The following ZNF287 variants were observed in gnomAD, a reference collection of about 807,000 sequenced individuals.
ZNF287 encodes the protein zinc finger protein 287.
Under a neutral mutation model 73.7 loss-of-function variants are expected in ZNF287, and 31 were observed. The ratio of observed to expected loss-of-function variants is 0.42; its 90% CI spans 0.32 to 0.57. The LOEUF is 0.57. ZNF287 is among the 20% of genes least tolerant of loss of function. The pLI is 0.13. For missense variants in ZNF287, 641 were observed against 909.3 expected (o/e 0.70, Z 3.79); for synonymous variants, 301 against 307.2 (o/e 0.98, Z 0.21).
chr17:16,566,981 GATTT>G (rs1907783754), intron 2 of ZNF287, among the ~76,000 whole-genome samples: 1 of 152,112 alleles, frequency 6.6e-6, no homozygotes, highest in Non-Finnish European at 1.5e-5. Flanking sequence ...CAAAGCAAAT[GATTT>G]ATTAGTAGAA....
intron 5 of ZNF287, among the ~76,000 whole-genome samples, chr17:16,555,675 T>TAG (rs1907007655): frequency 6.6e-6 from 1 of 151,394 alleles, no homozygotes; most frequent in African/African-American, 2.4e-5. Flanking sequence ...ACCCTCAATC[T>TAG]AACCTGGCTG....
At position 16,552,441 on chromosome 17, in the gene ZNF287, A is replaced by G; in HGVS notation, c.1701T>C (p.Asn567=). ...AATGAGCAAAGGCTTTTCCACATTC[A>G]TTACATTTATAACACTTCTCTCCAG... ...IHSGEKCYKC[N]ECGKAFAHSS... Residue 567 remains asparagine, a synonymous_variant, in exon 6 of 6, where the codon AAT becomes AAC. Coordinates refer to ENST00000395825, the MANE Select transcript of ZNF287 (RefSeq NM_020653.4). This position sits in a 1 kb window ranked among gnomAD's most constrained non-coding sequence, Gnocchi z 6.5. 1.9e-6 allele frequency: 3 copies of G among 1,614,078 alleles called. No individual in the cohort carries two copies. The highest frequency in any genetic ancestry group is 2.5e-6 in the Non-Finnish European group (3 of 1,179,968).
At chr17:16,562,705 G>A (rs1045789601) in intron 5 of ZNF287, among the ~76,000 whole-genome samples, 6 of 151,874 alleles carry the variant, frequency 4.0e-5, no homozygotes, top group Non-Finnish European at 7.4e-5. Context: ...TAAATAATTA[G>A]AAAATAAAAA....
chr17:16,556,034 C>A (rs1907037849), intron 5 of ZNF287, among the ~76,000 whole-genome samples: 1 of 147,710 alleles, frequency 6.8e-6, no homozygotes, highest in African/African-American at 2.7e-5. Flanking sequence ...ATATTGATAA[C>A]TGATAGGTAG....
intron 5 of ZNF287, among the ~76,000 whole-genome samples, chr17:16,560,261 C>T (rs138169118): frequency 5.5e-5 from 8 of 145,034 alleles, no homozygotes; most frequent in Admixed American, 1.4e-4. Context: ...CATGCCTGGC[C>T]GACTAATAAT....
chr17:16,560,947 G>T (rs566262874), intron 5 of ZNF287, among the ~76,000 whole-genome samples: 1 of 151,356 alleles, frequency 6.6e-6, no homozygotes, highest in African/African-American at 2.4e-5. Context: ...AGCTTGTAGT[G>T]AGCCAAGGTC....
chr17:16,552,632 C>A lies in ZNF287; in HGVS notation c.1510G>T (p.Gly504Ter). Residue 504 changes from glycine (G) to a stop codon, truncating the protein, a stop_gained, in exon 6 of 6, where the codon GGA (glycine) becomes TGA (stop). Coordinates refer to ENST00000395825, the MANE Select transcript of ZNF287 (RefSeq NM_020653.4). LOFTEE classifies it high-confidence loss of function. This position sits in a 1 kb window ranked among gnomAD's most constrained non-coding sequence, Gnocchi z 6.5. ...TCATTGCATATATAAGGTTTTTCTC[C>A]AGTATGAACTCTCTGATGATTAATC... ...SLINHQRVHT[G>*]EKPYICNECG... 6.2e-7 allele frequency: 1 copy of A among 1,614,034 alleles called. No homozygotes were observed. Among genetic ancestry groups the A allele is most frequent in the Non-Finnish European group, 8.5e-7 (1 of 1,179,996 alleles).
chr17:16,567,700 G>A lies in ZNF287; in HGVS notation c.32C>T (p.Ser11Phe), dbSNP rs1211951011. Residue 11 changes from serine to phenylalanine, a missense_variant, in exon 2 of 6, where the codon TCT becomes TTT. Ser to Phe is a radical substitution (Grantham distance 155). Around this residue, in one of 2 missense-constraint regions of ZNF287, gnomAD observed 357 missense variants for 442.4 expected, o/e 0.81. Transcript: ENST00000395825. MLASSKRMNS[S>F]SRSQILLRWK... ...CCTTAGAAGGATTTGAGAACGTGAA[G>A]AACTGTTCATCCTCTTGCTTGAGGC... is the stretch of plus-strand genomic sequence containing the variant. 2 of 1,613,446 alleles carry A rather than the reference G, an allele frequency of 1.2e-6. No homozygotes were observed. Among genetic ancestry groups the A allele is most frequent in the Non-Finnish European group, 1.7e-6 (2 of 1,179,602 alleles).
intron 4 of ZNF287, 76 bp from the exon 5 acceptor site, chr17:16,563,308 T>C (rs1907554843): frequency 1.9e-6 from 2 of 1,048,212 alleles, no homozygotes; most frequent in South Asian, 1.4e-5. Context: ...GACTTCTACC[T>C]ATCTGGGAGA....
chr17:16,553,189 C>T lies in ZNF287; in HGVS notation c.953G>A (p.Arg318Lys). 6.2e-7 allele frequency: 1 copy of T among 1,600,610 alleles called. No individual in the cohort carries two copies. Among genetic ancestry groups the T allele is most frequent in the Non-Finnish European group, 8.6e-7 (1 of 1,168,302 alleles). Reference sequence around the variant, plus strand: ...GTTTGAATGCTTTTCAAAATTATTTCTATATATATCATATTTACTAAGACA... The same window carrying T: ...GTTTGAATGCTTTTCAAAATTATTTTTATATATATCATATTTACTAAGACA... ...EECLSKYDIY[R>K]NNFEKHSNLI... Residue 318 changes from arginine to lysine, a missense_variant, in exon 6 of 6, where the codon AGA (arginine) becomes AAA (lysine). Physicochemically the swap from Arg to Lys is conservative, Grantham distance 26. Transcript: ENST00000395825.
intron 5 of ZNF287, among the ~76,000 whole-genome samples, chr17:16,557,051 T>TG (rs1275788113): frequency 6.6e-6 from 1 of 152,110 alleles, no homozygotes; most frequent in African/African-American, 2.4e-5. Flanking sequence ...TTCTCCATGT[T>TG]GGTCAGGCTG....
At position 16,552,331 on chromosome 17, in the gene ZNF287, C is replaced by T. The variant is rs752562155; in HGVS notation, c.1811G>A (p.Ser604Asn). 1.2e-6 allele frequency: 2 copies of T among 1,613,990 alleles called. No individual in the cohort carries two copies. Among genetic ancestry groups the T allele is most frequent in the South Asian group, 1.1e-5 (1 of 91,076 alleles). The change falls in exon 6 of 6, where the codon AGT (serine) becomes AAT (asparagine). Residue 604 changes from serine (S) to asparagine (N), a missense_variant. Around this residue, in one of 2 missense-constraint regions of ZNF287, gnomAD observed 284 missense variants for 466.8 expected, o/e 0.61. Coordinates refer to ENST00000395825, the MANE Select transcript of ZNF287 (RefSeq NM_020653.4). This position sits in a 1 kb window ranked among gnomAD's most constrained non-coding sequence, Gnocchi z 6.5. ...CNICGKAFSQSANLTQHHRTH... is the reference protein window; with the variant it reads ...CNICGKAFSQNANLTQHHRTH... ...TCTATGATGTTGAGTAAGATTTGCA[C>T]TCTGGCTGAAGGCTTTCCCACATAT...
chr17:16,566,734 C>A (rs1345629786), intron 2 of ZNF287, 112 bp from the exon 3 acceptor site: 3 of 651,764 alleles, frequency 4.6e-6, no homozygotes, highest in Admixed American at 3.5e-5. Flanking sequence ...AGAAGGAAAT[C>A]AAAAACAGCA....
At chr17:16,565,056 A>T (rs1446913062) in intron 3 of ZNF287, among the ~76,000 whole-genome samples, 1 of 151,636 alleles carries the variant, frequency 6.6e-6, no homozygotes, top group South Asian at 2.1e-4. Flanking sequence ...CAGTATCTTT[A>T]AAAAAGTCAT....
At chr17:16,558,915 T>C (rs1907242440) in intron 5 of ZNF287, 1 of 152,022 alleles carries the variant, frequency 6.6e-6, no homozygotes. Context: ...AGATGGAGGT[T>C]GCAGTGAGCC....
Position 16,550,597 on chromosome 17 carries a change from C to T in ZNF287, c.*1259G>A, listed in dbSNP as rs1906583768. On this transcript the variant is annotated 3_prime_UTR_variant, in exon 6 of 6. Transcript: ENST00000395825. ...CCCATTTTAGCAGGTTGCTTATGCT[C>T]AACCCATGACAAAATATCACATCCT... Among the ~76,000 whole-genome samples the T allele has an allele frequency of 6.6e-6, 1 of 152,174 alleles. No individual in the cohort carries two copies. The highest frequency in any genetic ancestry group is 2.4e-5 in the African/African-American group (1 of 41,442).
At chr17:16,561,774 A>G (rs57088651) in intron 5 of ZNF287, among the ~76,000 whole-genome samples, 11,227 of 152,246 alleles carry the variant, frequency 0.074, 1,405 homozygotes, top group African/African-American at 0.25. Flanking sequence ...AAAAGGGACT[A>G]AAGATAGGAG....
In ZNF287 at chr17:16,552,550, G is replaced by A. The variant is rs779912998; in HGVS notation, c.1592C>T (p.Thr531Ile). The A allele has an allele frequency of 2.5e-6, 4 of 1,614,064 alleles. No homozygotes were observed. ...THLLQHQKIH[T>I]GKKPYKCNEC... ...ATTGCATTTATATGGTTTCTTCCCA[G>A]TATGTATTTTTTGATGCTGAAGAAG... The change falls in exon 6 of 6, where the codon ACT (threonine) becomes ATT (isoleucine). Residue 531 changes from threonine to isoleucine, a missense_variant. By Grantham distance (89) the Thr-to-Ile change is moderately conservative (BLOSUM62 -1). Around this residue, in one of 2 missense-constraint regions of ZNF287, gnomAD observed 284 missense variants for 466.8 expected, o/e 0.61. Coordinates refer to ENST00000395825, the MANE Select transcript of ZNF287 (RefSeq NM_020653.4). This position sits in a 1 kb window ranked among gnomAD's most constrained non-coding sequence, Gnocchi z 6.5.
At chr17:16,560,703 A>G (rs139266666) in intron 5 of ZNF287, among the ~76,000 whole-genome samples, 1 of 151,982 alleles carries the variant, frequency 6.6e-6, no homozygotes, top group Non-Finnish European at 1.5e-5. Context: ...AGATGACTGC[A>G]TTAGAAAATC....
Sources: allele counts gnomAD v4.1 joint callset (sites outside exome capture counted in the v4.1 genomes callset), GRCh38; gene constraint gnomAD v4.1.1; regional missense constraint gnomAD v4.1.1; non-coding constraint Gnocchi (gnomAD v3.1); transcripts MANE v1.5; gene names NCBI Gene and HGNC (gene_info 2026-07-23, HGNC 2026-07-21).